ADAMTS19: variants seen among roughly 807,000 people sequenced by gnomAD.
ADAMTS19 encodes the protein A disintegrin and metalloproteinase with thrombospondin motifs 19.
ADAMTS19 carries 93 observed loss-of-function variants against 153.3 expected under a neutral mutation model. That is an observed-to-expected ratio of 0.61 (90% CI 0.51 to 0.72). The LOEUF is 0.72. ADAMTS19 is among the 30% of genes least tolerant of loss of function. The pLI, the probability that ADAMTS19 is intolerant of heterozygous loss-of-function variation, is 0.00. For synonymous variants in ADAMTS19, 600 were observed against 556.6 expected, an observed-to-expected ratio of 1.08 and a Z score of -1.10; for missense variants, 1,482 against 1,552.1, an observed-to-expected ratio of 0.95 and a Z score of 0.76.
intron 13 of ADAMTS19, among the ~76,000 whole-genome samples, chr5:129,649,544 G>C (rs30675): frequency 0.19 from 28,700 of 152,080 alleles, 3,206 homozygotes; most frequent in East Asian, 0.34. Context: ...CAAATTAGTG[G>C]TTGCCAGGGA....
At chr5:129,611,833 C>G (rs1047507629) in intron 8 of ADAMTS19, among the ~76,000 whole-genome samples, 3 of 152,000 alleles carry the variant, frequency 2.0e-5, no homozygotes, top group African/African-American at 7.3e-5. Flanking sequence ...ATGTTAAGGG[C>G]AGCCAGAGAG....
chr5:129,733,005 A>G (rs777897556), intron 21 of ADAMTS19, among the ~76,000 whole-genome samples: 6 of 152,072 alleles, frequency 3.9e-5, no homozygotes, highest in Non-Finnish European at 8.8e-5. Flanking sequence ...ACAAAACCAC[A>G]TACCTATAGC....
intron 7 of ADAMTS19, among the ~76,000 whole-genome samples, chr5:129,565,629 C>T (rs1349142706): frequency 6.6e-6 from 1 of 152,116 alleles, no homozygotes. Flanking sequence ...TAAATGTTTT[C>T]CTTTTTCCTA....
intron 13 of ADAMTS19, among the ~76,000 whole-genome samples, chr5:129,652,036 A>T (rs892429267): frequency 3.3e-5 from 5 of 152,192 alleles, no homozygotes; most frequent in African/African-American, 1.2e-4. Context: ...AATTAAAAAA[A>T]AATCAGAGTT....
At chr5:129,638,361 T>C (rs1160866887) in intron 10 of ADAMTS19, among the ~76,000 whole-genome samples, 1 of 152,174 alleles carries the variant, frequency 6.6e-6, no homozygotes, top group Non-Finnish European at 1.5e-5. Context: ...TCAAGTGTAT[T>C]GGCATAGACT....
intron 2 of ADAMTS19, among the ~76,000 whole-genome samples, chr5:129,500,044 A>G (rs1039254479): frequency 2.0e-5 from 3 of 152,132 alleles, no homozygotes; most frequent in Non-Finnish European, 4.4e-5. Context: ...GTAGGTTCTG[A>G]GAAGACTTCT....
intron 6 of ADAMTS19, among the ~76,000 whole-genome samples, chr5:129,533,571 G>A (rs984206442): frequency 3.3e-5 from 5 of 152,058 alleles, no homozygotes; most frequent in Non-Finnish European, 5.9e-5. Flanking sequence ...TTTTTTGAAG[G>A]ATTTTTTTGA....
chr5:129,513,802 A>G (rs560717867), intron 3 of ADAMTS19, among the ~76,000 whole-genome samples: 3 of 152,224 alleles, frequency 2.0e-5, no homozygotes, highest in Non-Finnish European at 4.4e-5. Context: ...TAATTAAATT[A>G]TTTAAGTTAT....
At chr5:129,516,789 A>C (rs1367180541) in intron 3 of ADAMTS19, among the ~76,000 whole-genome samples, 3 of 141,498 alleles carry the variant, frequency 2.1e-5, no homozygotes, top group African/African-American at 7.8e-5. Context: ...TTTCAATTTC[A>C]TTTATTTCTG....
chr5:129,510,605 C>T (rs1240291118), intron 3 of ADAMTS19, among the ~76,000 whole-genome samples: 1 of 151,648 alleles, frequency 6.6e-6, no homozygotes, highest in Non-Finnish European at 1.5e-5. Flanking sequence ...AAAACGACAG[C>T]TATAGTTTGG....
intron 2 of ADAMTS19, among the ~76,000 whole-genome samples, chr5:129,462,424 T>C (rs1749705799): frequency 6.6e-6 from 1 of 152,184 alleles, no homozygotes; most frequent in Non-Finnish European, 1.5e-5. Context: ...CATTTGACAG[T>C]AGTTCCTTTT....
chr5:129,479,351 CTTTCTG>C (rs1438802994), intron 2 of ADAMTS19, among the ~76,000 whole-genome samples: 1 of 152,108 alleles, frequency 6.6e-6, no homozygotes, highest in African/African-American at 2.4e-5. Flanking sequence ...TTCTCTTTCT[CTTTCTG>C]TTTCCTTTCT....
intron 7 of ADAMTS19, among the ~76,000 whole-genome samples, chr5:129,564,111 G>A (rs891189002): frequency 3.3e-5 from 5 of 152,078 alleles, no homozygotes; most frequent in Non-Finnish European, 5.9e-5. Flanking sequence ...AGTAGAGACA[G>A]CGTTCCAGGT....
At chr5:129,537,499 C>T (rs935736225) in intron 6 of ADAMTS19, among the ~76,000 whole-genome samples, 1 of 152,072 alleles carries the variant, frequency 6.6e-6, no homozygotes, top group Non-Finnish European at 1.5e-5. Context: ...CGGCACTATT[C>T]ACAATAGCAA....
At chr5:129,599,518 T>C (rs945375505) in intron 8 of ADAMTS19, among the ~76,000 whole-genome samples, 1 of 152,204 alleles carries the variant, frequency 6.6e-6, no homozygotes, top group African/African-American at 2.4e-5. Flanking sequence ...AGTATATTTT[T>C]AAACCGATAT....
At chr5:129,701,359 G>C (rs757564060) in intron 19 of ADAMTS19, 29 bp from the exon 20 acceptor site, 41 of 1,613,042 alleles carry the variant, frequency 2.5e-5, no homozygotes, top group Non-Finnish European at 3.3e-5. Context: ...CTTTTAACTT[G>C]TTTCCAGTGA....
At chr5:129,586,627 T>G (rs1001324986) in intron 7 of ADAMTS19, among the ~76,000 whole-genome samples, 3 of 152,242 alleles carry the variant, frequency 2.0e-5, no homozygotes, top group Admixed American at 2.0e-4. Flanking sequence ...TGTGCAGGAT[T>G]TTGTATGGAC....
intron 11 of ADAMTS19, among the ~76,000 whole-genome samples, chr5:129,643,839 G>A (rs1240016125): frequency 3.9e-5 from 6 of 152,024 alleles, no homozygotes; most frequent in African/African-American, 1.4e-4. Flanking sequence ...CAAGTCTCCT[G>A]ATATTGTGCT....
At chr5:129,564,620 A>G (rs1395976472) in intron 7 of ADAMTS19, among the ~76,000 whole-genome samples, 3 of 152,224 alleles carry the variant, frequency 2.0e-5, no homozygotes, top group Non-Finnish European at 4.4e-5. Flanking sequence ...AGGACTTAAT[A>G]CAATTCTGTA....
Sources: allele counts gnomAD v4.1 joint callset (sites outside exome capture counted in the v4.1 genomes callset), GRCh38; gene constraint gnomAD v4.1.1; transcripts MANE v1.5; gene names NCBI Gene and HGNC (gene_info 2026-07-23, HGNC 2026-07-21).